Variants in YWHAQ observed in about 807,000 individuals in gnomAD.
YWHAQ encodes tyrosine 3-monooxygenase/tryptophan 5-monooxygenase activation protein theta.
YWHAQ carries 6 observed loss-of-function variants against 28.3 expected under a neutral mutation model. The observed-to-expected ratio is 0.21, with a 90% CI of 0.12 to 0.42. YWHAQ has a LOEUF of 0.42. YWHAQ is among the 10% of genes least tolerant of loss of function. The pLI, the probability that YWHAQ is intolerant of heterozygous loss-of-function variation, is 1.00. For missense variants in YWHAQ, 201 were observed against 305.6 expected, an observed-to-expected ratio of 0.66 and a Z score of 2.55; for synonymous variants, 143 against 119.1, an observed-to-expected ratio of 1.20 and a Z score of -1.31.
chr2:9,606,740 G>C (rs949069330), intron 2 of YWHAQ, among the ~76,000 whole-genome samples: 1 of 152,032 alleles, frequency 6.6e-6, no homozygotes, highest in Admixed American at 6.6e-5. Flanking sequence ...ATGTTGGTGA[G>C]TGTATATCCT....
intron 2 of YWHAQ, among the ~76,000 whole-genome samples, chr2:9,602,216 C>A (rs955030209): frequency 9.9e-5 from 15 of 151,936 alleles, no homozygotes; most frequent in African/African-American, 3.6e-4. Flanking sequence ...CACTTGTAGC[C>A]AGGAGTTCCA....
chr2:9,625,014 G>A (rs917939826), intron 2 of YWHAQ, among the ~76,000 whole-genome samples: 1 of 151,846 alleles, frequency 6.6e-6, no homozygotes, highest in Non-Finnish European at 1.5e-5. Context: ...AAAGTGCCAG[G>A]ATTACAGGCG....
intron 2 of YWHAQ, among the ~76,000 whole-genome samples, chr2:9,605,610 G>C (rs1234398266): frequency 6.6e-6 from 1 of 151,996 alleles, no homozygotes; most frequent in South Asian, 2.1e-4. Flanking sequence ...GCCCATGCTG[G>C]AGTGCAGTGG....
At chr2:9,607,712 T>C (rs1342629653) in intron 2 of YWHAQ, among the ~76,000 whole-genome samples, 1 of 51,224 alleles carries the variant, frequency 2.0e-5, no homozygotes, top group Non-Finnish European at 3.8e-5. Flanking sequence ...ATTCTTCCTC[T>C]TTTTTTTTTT....
intron 2 of YWHAQ, among the ~76,000 whole-genome samples, chr2:9,612,762 A>C (rs145565450): frequency 1.8e-4 from 28 of 152,318 alleles, no homozygotes; most frequent in African/African-American, 6.7e-4. Flanking sequence ...AGCACTACTC[A>C]AAGATAAAGC....
intron 2 of YWHAQ, among the ~76,000 whole-genome samples, chr2:9,624,212 C>A (rs1352066617): frequency 6.6e-6 from 1 of 152,084 alleles, no homozygotes; most frequent in Admixed American, 6.5e-5. Context: ...GCCCAGATGG[C>A]GCAACTGCAC....
intron 2 of YWHAQ, among the ~76,000 whole-genome samples, chr2:9,624,981 T>C (rs1667219812): frequency 6.6e-6 from 1 of 151,810 alleles, no homozygotes; most frequent in South Asian, 2.1e-4. Context: ...TGACCTCAGG[T>C]GATCCACCTG....
intron 2 of YWHAQ, among the ~76,000 whole-genome samples, chr2:9,593,318 C>T (rs759115631): frequency 1.4e-5 from 2 of 146,544 alleles, no homozygotes; most frequent in Non-Finnish European, 3.0e-5. Context: ...AAATGATTCT[C>T]CTGCCTCAGC....
chr2:9,592,427 T>A (rs1348464747), intron 2 of YWHAQ, among the ~76,000 whole-genome samples: 2 of 152,086 alleles, frequency 1.3e-5, no homozygotes, highest in African/African-American at 4.8e-5. Context: ...AGGTCATCCA[T>A]TTAAAAACCT....
intron 2 of YWHAQ, among the ~76,000 whole-genome samples, chr2:9,601,576 A>G (rs144322686): frequency 3.3e-5 from 5 of 152,370 alleles, no homozygotes; most frequent in African/African-American, 1.2e-4. Context: ...ATAAAAGGTA[A>G]TAAAACTTCC....
At chr2:9,609,292 GAATAAAAAAA>G (rs1408831882) in intron 2 of YWHAQ, among the ~76,000 whole-genome samples, 2 of 150,202 alleles carry the variant, frequency 1.3e-5, no homozygotes, top group African/African-American at 4.9e-5. Context: ...AGGGCTTTTA[GAATAAAAAAA>G]AATGAAAACA....
intron 2 of YWHAQ, among the ~76,000 whole-genome samples, chr2:9,614,643 A>C (rs1438164539): frequency 6.6e-6 from 1 of 152,220 alleles, no homozygotes; most frequent in African/African-American, 2.4e-5. Flanking sequence ...TATCCTAAGA[A>C]GACTACTAAA....
chr2:9,587,567 A>C (rs1666370171), intron 4 of YWHAQ, 58 bp from the exon 5 acceptor site: 1 of 1,446,692 alleles, frequency 6.9e-7, no homozygotes, highest in Non-Finnish European at 9.5e-7. Context: ...TGGTTATTCT[A>C]CAATTACAAA....
At chr2:9,606,510 G>A (rs1369319236) in intron 2 of YWHAQ, among the ~76,000 whole-genome samples, 4 of 151,972 alleles carry the variant, frequency 2.6e-5, no homozygotes, top group African/African-American at 9.7e-5. Flanking sequence ...CATAAATGCA[G>A]GTGAACATCT....
chr2:9,630,608 C>A lies in YWHAQ; in HGVS notation c.-82-74G>T. 1 of 682,852 alleles carries A rather than the reference C, an allele frequency of 1.5e-6. No individual in the cohort carries two copies. The highest frequency in any genetic ancestry group is 2.3e-6 in the Non-Finnish European group (1 of 435,286). 42.3% of individuals were successfully genotyped at this position (682,852 alleles called of 1,614,324 possible). Reference sequence around the variant, plus strand: ...CGCCGTCAGACAATGCGGCCCGCCGCCCGCTTTTGTCTCCCGCACACGCGG... The same window carrying A: ...CGCCGTCAGACAATGCGGCCCGCCGACCGCTTTTGTCTCCCGCACACGCGG... On this transcript the variant is annotated intron_variant, in intron 1 of 5. Transcript: ENST00000238081. The surrounding 1 kb of genome is among the most constrained non-coding windows in gnomAD (Gnocchi z 5.6).
At chr2:9,618,179 AT>A (rs1667072096) in intron 2 of YWHAQ, among the ~76,000 whole-genome samples, 1 of 152,228 alleles carries the variant, frequency 6.6e-6, no homozygotes, top group Non-Finnish European at 1.5e-5. Flanking sequence ...ATTAATAATG[AT>A]GGCTGCACAA....
intron 2 of YWHAQ, among the ~76,000 whole-genome samples, chr2:9,604,618 G>C (rs1666780768): frequency 6.6e-6 from 1 of 152,100 alleles, no homozygotes; most frequent in Admixed American, 6.6e-5. Flanking sequence ...ACCAAACATG[G>C]ATCACAAACA....
chr2:9,626,603 G>T (rs1160734129), intron 2 of YWHAQ, among the ~76,000 whole-genome samples: 3 of 152,080 alleles, frequency 2.0e-5, no homozygotes, highest in Admixed American at 1.3e-4. Flanking sequence ...TAATTTTTTT[G>T]TATTTTTAGT....
chr2:9,624,522 TG>T (rs546875405), intron 2 of YWHAQ, among the ~76,000 whole-genome samples: 4 of 151,490 alleles, frequency 2.6e-5, no homozygotes, highest in African/African-American at 7.3e-5. Flanking sequence ...ATTATTGGCA[TG>T]GGGGGGGCTG....
Sources: gnomAD v4.1 joint callset for allele counts (sites outside exome capture counted in the v4.1 genomes callset) on GRCh38, gnomAD v4.1.1 for gene constraint, Gnocchi (gnomAD v3.1) non-coding constraint, MANE v1.5 for transcripts, NCBI Gene and HGNC (gene_info 2026-07-23, HGNC 2026-07-21) for gene names.